The following ALMS1 variants were observed in gnomAD, a reference collection of about 807,000 sequenced individuals.
The protein encoded by ALMS1 is centrosome-associated protein ALMS1.
Under a neutral mutation model 352.2 loss-of-function variants are expected in ALMS1, and 271 were observed. The ratio of observed to expected loss-of-function variants is 0.77; its 90% CI spans 0.70 to 0.85. The LOEUF (loss-of-function observed/expected upper bound fraction) is 0.85. Among genes scored for constraint, ALMS1 ranks in the 40% least tolerant of loss-of-function variants. ALMS1 has a pLI of 0.00. For synonymous variants in ALMS1, 1,865 were observed against 1,761.2 expected, an observed-to-expected ratio of 1.06 and a Z score of -1.48; for missense variants, 5,445 against 4,870.7, an observed-to-expected ratio of 1.12 and a Z score of -3.51.
chr2:73,533,503 G>GT (rs1673964786), intron 11 of ALMS1, among the ~76,000 whole-genome samples: 1 of 152,084 alleles, frequency 6.6e-6, no homozygotes, highest in African/African-American at 2.4e-5. Flanking sequence ...GAAGTGGGGG[G>GT]CTTTAATGGG....
chr2:73,578,236 T>A (rs1675095217), intron 16 of ALMS1, among the ~76,000 whole-genome samples: 1 of 152,296 alleles, frequency 6.6e-6, no homozygotes, highest in African/African-American at 2.4e-5. Flanking sequence ...TGGAATACCT[T>A]TTTTATCCTT....
rs776611154 is a variant in ALMS1, at chr2:73,453,560, C to T, written c.7033C>T (p.Arg2345Trp). Residue 2345 changes from arginine to tryptophan, a missense_variant, in exon 8 of 23, where the codon CGG becomes TGG. Transcript: ENST00000613296. ...TGGCACACAGACGAATTTGAAATGC[C>T]GGAGAGGCATTGAAAATTGGGAGTT... Reference protein sequence around the residue: ...DIGTQTNLKCRRGIENWEFIS... With the variant: ...DIGTQTNLKCWRGIENWEFIS... 1.4e-5 allele frequency: 22 copies of T among 1,613,512 alleles called. No homozygotes were observed. Among genetic ancestry groups the T allele is most frequent in the Admixed American group, 5.0e-5 (3 of 59,908 alleles).
intron 1 of ALMS1, among the ~76,000 whole-genome samples, chr2:73,387,385 A>G (rs1212136930): frequency 6.6e-6 from 1 of 152,248 alleles, no homozygotes; most frequent in Non-Finnish European, 1.5e-5. Flanking sequence ...CTAATATTCT[A>G]TGAAAGCATA....
rs1572904510 is a variant in ALMS1 at position 73,408,642 on chromosome 2, T to C, written c.345T>C (p.His115=). The change falls in exon 2 of 23, where the codon CAT becomes CAC. Residue 115 remains histidine, a synonymous_variant. Transcript: ENST00000613296. ...SLEKIVPLTC[H]VWQQIVYQGN... is the part of the protein sequence containing the mutation. ...TTCAGATTGTTCCATTGACCTGTCA[T>C]GTATGGCAACAGATAGTATATCAAG... 1.2e-6 allele frequency: 2 copies of C among 1,613,484 alleles called. No individual in the cohort carries two copies. The highest frequency in any genetic ancestry group is 1.7e-6 in the Non-Finnish European group (2 of 1,179,608).
At chr2:73,495,392 A>T (rs10210472) in intron 10 of ALMS1, among the ~76,000 whole-genome samples, 1 of 152,060 alleles carries the variant, frequency 6.6e-6, no homozygotes, top group South Asian at 2.1e-4. Context: ...GCACCACCAA[A>T]CCCAGCTAAT....
chr2:73,471,234 TTTC>T (rs1399772950), intron 9 of ALMS1, among the ~76,000 whole-genome samples: 64 of 151,638 alleles, frequency 4.2e-4, no homozygotes, highest in African/African-American at 1.5e-3. Flanking sequence ...CTTTTTTTTT[TTTC>T]TTTCGTGTAT....
chr2:73,528,712 A>G (rs112009907), intron 11 of ALMS1, among the ~76,000 whole-genome samples: 92 of 151,742 alleles, frequency 6.1e-4, no homozygotes, highest in African/African-American at 2.1e-3. Context: ...AGGAGGATTT[A>G]GTCTACTGCT....
chr2:73,500,734 G>A (rs1673201739), intron 10 of ALMS1, among the ~76,000 whole-genome samples: 1 of 151,834 alleles, frequency 6.6e-6, no homozygotes, highest in Admixed American at 6.6e-5. Flanking sequence ...TTGAGTTCAG[G>A]CCAAGGAATG....
intron 1 of ALMS1, among the ~76,000 whole-genome samples, chr2:73,405,341 G>T (rs1243094821): frequency 1.3e-5 from 2 of 152,056 alleles, no homozygotes; most frequent in Non-Finnish European, 2.9e-5. Context: ...GAATTGATCT[G>T]TTTCTTCTAG....
At chr2:73,524,414 G>A (rs1673746291) in intron 11 of ALMS1, among the ~76,000 whole-genome samples, 1 of 152,058 alleles carries the variant, frequency 6.6e-6, no homozygotes, top group African/African-American at 2.4e-5. Context: ...TCCATTCTTT[G>A]TGTTAACAAT....
At chr2:73,459,695 C>T in intron 9 of ALMS1, among the ~76,000 whole-genome samples, 1 of 152,146 alleles carries the variant, frequency 6.6e-6, no homozygotes, top group East Asian at 1.9e-4. Context: ...TTCTTATGAT[C>T]CCATCATTTC....
At chr2:73,579,063 C>CTATTTTTTTTTTT in intron 16 of ALMS1, among the ~76,000 whole-genome samples, 1 of 119,150 alleles carries the variant, frequency 8.4e-6, no homozygotes, top group African/African-American at 4.3e-5. Flanking sequence ...CTCCTTTATT[C>CTATTTTTTTTTTT]TTTTTTTATT....
At chr2:73,457,262 C>T (rs1310461433) in intron 9 of ALMS1, 1 of 152,140 alleles carries the variant, frequency 6.6e-6, no homozygotes, top group Non-Finnish European at 1.5e-5. Flanking sequence ...GACAGAGTCT[C>T]ACTTTATTGC....
chr2:73,386,533 G>A (rs1670538399), intron 1 of ALMS1, among the ~76,000 whole-genome samples: 1 of 152,152 alleles, frequency 6.6e-6, no homozygotes, highest in Non-Finnish European at 1.5e-5. Context: ...GGACCGGAGC[G>A]AGTGGTTGCC....
Position 73,448,518 on chromosome 2 carries a change from T to A in ALMS1, c.1991T>A (p.Val664Glu), listed in dbSNP as rs1390458151. 8 of 1,613,892 alleles carry A rather than the reference T, an allele frequency of 5.0e-6. No individual in the cohort carries two copies. The highest frequency in any genetic ancestry group is 6.8e-6 in the Non-Finnish European group (8 of 1,179,884). ...PVEQKTGIPT[V>E]SSTSHSHVED... ...GAGCAGAAGACGGGAATACCTACAG[T>A]ATCCTCTACATCCCACTCACATGTA... The change falls in exon 8 of 23, where the codon GTA (valine) becomes GAA (glutamate). Residue 664 changes from valine (V) to glutamate (E), a missense_variant. Coordinates refer to ENST00000613296, the MANE Select transcript of ALMS1 (RefSeq NM_001378454.1).
At chr2:73,485,830 C>T (rs1316377381) in intron 9 of ALMS1, among the ~76,000 whole-genome samples, 1 of 152,072 alleles carries the variant, frequency 6.6e-6, no homozygotes, top group Non-Finnish European at 1.5e-5. Flanking sequence ...GGGAGTGACC[C>T]GATTTTCCAG....
intron 1 of ALMS1, among the ~76,000 whole-genome samples, chr2:73,407,851 C>T (rs1023460567): frequency 5.3e-5 from 8 of 152,168 alleles, no homozygotes. Context: ...AGCCACTGTG[C>T]ACCTTGTATC....
intron 11 of ALMS1, among the ~76,000 whole-genome samples, chr2:73,526,238 T>C (rs1465691663): frequency 6.6e-6 from 1 of 152,210 alleles, no homozygotes; most frequent in East Asian, 1.9e-4. Context: ...TTCTTTATGC[T>C]TAAGATAGCT....
intron 16 of ALMS1, among the ~76,000 whole-genome samples, chr2:73,584,780 C>G (rs921118570): frequency 6.6e-6 from 1 of 151,550 alleles, no homozygotes; most frequent in East Asian, 1.9e-4. Context: ...TTCCTCACCC[C>G]GCTCCCACCC....
Sources: allele counts gnomAD v4.1 joint callset (sites outside exome capture counted in the v4.1 genomes callset), GRCh38; gene constraint gnomAD v4.1.1; transcripts MANE v1.5; gene names NCBI Gene and HGNC (gene_info 2026-07-23, HGNC 2026-07-21).